Variants in KMT2A observed in about 807,000 individuals in gnomAD.
The protein encoded by KMT2A is histone-lysine N-methyltransferase 2A.
KMT2A carries 16 observed loss-of-function variants against 345.3 expected under a neutral mutation model. The ratio of observed to expected loss-of-function variants is 0.05; its 90% confidence interval spans 0.03 to 0.07. The LOEUF (loss-of-function observed/expected upper bound fraction) is 0.07. KMT2A is among the 10% of genes least tolerant of loss of function. The pLI is 1.00. For missense variants in KMT2A, 3,272 were observed against 4,841.6 expected (o/e 0.68, Z 9.62); for synonymous variants, 1,599 against 1,778.6 (o/e 0.90, Z 2.54).
At position 118,473,298 on chromosome 11, in the gene KMT2A, G is replaced by A; in HGVS notation, c.2139G>A (p.Glu713=). The A allele has an allele frequency of 6.2e-7, 1 of 1,613,660 alleles. No individual in the cohort carries two copies. The change falls in exon 3 of 36, where the codon GAG becomes GAA. Residue 713 remains glutamate, a synonymous_variant. Coordinates refer to ENST00000534358, the MANE Select transcript of KMT2A (RefSeq NM_001197104.2). The surrounding 1 kb of genome is among the most constrained non-coding windows in gnomAD (Gnocchi z 5.2). ...GTGAGGCTCACTCTAGAATATTTGA[G>A]TCTGTAACCTTGCCTAGTAATCGAA... ...TPSEAHSRIF[E]SVTLPSNRTS... is the part of the protein sequence containing the mutation.
chr11:118,489,351 G>A (rs1426511567), intron 11 of KMT2A, among the ~76,000 whole-genome samples: 2 of 152,252 alleles, frequency 1.3e-5, no homozygotes, highest in East Asian at 3.9e-4. Context: ...GGGGGTCCTG[G>A]AACCAATCCC....
chr11:118,500,282 T>G (rs1950479630), intron 24 of KMT2A, among the ~76,000 whole-genome samples: 1 of 152,194 alleles, frequency 6.6e-6, no homozygotes, highest in Admixed American at 6.5e-5. Context: ...TTATAAGTCC[T>G]TCTAAAACTA....
rs571632155 is a variant in KMT2A, at chr11:118,524,437, TTGTC to T, written c.*2268_*2271del. The T allele has an allele frequency of 5.8e-4, 110 of 190,482 alleles. No individual in the cohort carries two copies. The highest frequency in any genetic ancestry group is 2.3e-3 in the African/African-American group (98 of 42,930). 11.8% of individuals were successfully genotyped at this position (190,482 alleles called of 1,614,324 possible). ...CTTCTCTCCTGTGACCTTAAGAACT[TTGTC>T]TGGTGGCTTTGCTGGAACATTGTCA... On this transcript the variant is annotated 3_prime_UTR_variant, in exon 36 of 36. Transcript: ENST00000534358.
Position 118,494,387 on chromosome 11 carries a change from T to C in KMT2A, c.5278T>C (p.Phe1760Leu), listed in dbSNP as rs1555043366. 1 of 1,566,524 alleles carries C rather than the reference T, an allele frequency of 6.4e-7. No individual in the cohort carries two copies. Among genetic ancestry groups the C allele is most frequent in the Non-Finnish European group, 8.8e-7 (1 of 1,136,784 alleles). ...AAAAGCCAACAGCATGGTCAAGTCC[T>C]TCTTCATTCGGGTGAATGATATTAC... The part of the protein sequence containing the change: ...IKKANSMVKS[F>L]FIRQMERVFP... Residue 1760 changes from phenylalanine to leucine, a missense_variant, in exon 17 of 36, where the codon TTC becomes CTC. By Grantham distance (22) the Phe-to-Leu change is conservative. Coordinates refer to ENST00000534358, the MANE Select transcript of KMT2A (RefSeq NM_001197104.2). This position sits in a 1 kb window ranked among gnomAD's most constrained non-coding sequence, Gnocchi z 5.8.
intron 8 of KMT2A, 46 bp downstream of exon 8, chr11:118,482,541 A>G (rs1309781516): frequency 4.4e-6 from 6 of 1,369,128 alleles, no homozygotes; most frequent in Admixed American, 1.8e-5. Context: ...GATGTATTCT[A>G]TTTTGTAGGG....
Position 118,447,229 on chromosome 11 carries a change from G to A in KMT2A, c.432+10285G>A, listed in dbSNP as rs1202135978. Among the ~76,000 whole-genome samples the A allele has an allele frequency of 2.6e-5, 4 of 152,234 alleles. No homozygotes were observed. In the East Asian group the frequency reaches 7.7e-4, roughly 29 times the overall value. On this transcript the variant is annotated intron_variant, in intron 1 of 35. Transcript: ENST00000534358. ...GTCGTGGTACTTTTGAAATGTGTCT[G>A]TCTTTGTCCCATTAGATAGTGACTC...
chr11:118,473,472 C>G lies in KMT2A; in HGVS notation c.2313C>G (p.Thr771=), dbSNP rs577619340. The G allele has an allele frequency of 3.1e-6, 5 of 1,614,150 alleles. No individual in the cohort carries two copies. Among genetic ancestry groups the G allele is most frequent in the Admixed American group, 1.7e-5 (1 of 60,022 alleles). The change falls in exon 3 of 36, where the codon ACC becomes ACG. Residue 771 remains threonine (T), a synonymous_variant. Coordinates refer to ENST00000534358, the MANE Select transcript of KMT2A (RefSeq NM_001197104.2). This position sits in a 1 kb window ranked among gnomAD's most constrained non-coding sequence, Gnocchi z 5.2. ...RLSSSELSPL[T]PPSSVSSSLS... ...GTAGTTCTGAGCTCTCACCTCTCACCCCCCCGTCTTCTGTCTCTTCCTCGT... is the reference window on the plus strand; with the variant it reads ...GTAGTTCTGAGCTCTCACCTCTCACGCCCCCGTCTTCTGTCTCTTCCTCGT...
intron 10 of KMT2A, chr11:118,488,353 A>G: frequency 2.1e-6 from 1 of 470,136 alleles, no homozygotes; most frequent in South Asian, 2.1e-5. Flanking sequence ...CTCTTAGGTC[A>G]CTTAGCATGT....
Position 118,491,276 on chromosome 11 carries a change from C to A in KMT2A, c.4777C>A (p.Arg1593Ser), listed in dbSNP as rs1472952558. 5.0e-6 allele frequency: 8 copies of A among 1,613,632 alleles called. No homozygotes were observed. The highest frequency in any genetic ancestry group is 1.1e-5 in the South Asian group (1 of 91,034). The change falls in exon 14 of 36, where the codon CGC becomes AGC. Residue 1593 changes from arginine to serine, a missense_variant. Around this residue, in one of 27 missense-constraint regions of KMT2A, gnomAD observed 120 missense variants for 280.4 expected, o/e 0.43. Transcript: ENST00000534358. The surrounding 1 kb of genome is among the most constrained non-coding windows in gnomAD (Gnocchi z 4.2). The part of the protein sequence containing the change: ...SKMMQCGKCD[R>S]WVHSKCENLS... ...GATGATGCAATGTGGAAAGTGTGAT[C>A]GCTGGGTCCATTCCAAATGTGAGAA...
At position 118,472,168 on chromosome 11, in the gene KMT2A, A is replaced by T; in HGVS notation, c.1009A>T (p.Thr337Ser). ...GAAAGTCCGGAAAGACAAGGAAGGA[A>T]CACCTCCACTTACAAAAGAAGATAA... ...PQKVRKDKEG[T>S]PPLTKEDKTV... Residue 337 changes from threonine (T) to serine (S), a missense_variant, in exon 3 of 36, where the codon ACA (threonine) becomes TCA (serine). Thr to Ser is a moderately conservative substitution (Grantham distance 58, BLOSUM62 1). This residue lies in a region of KMT2A where 412 missense variants were observed against 511.0 expected (regional missense o/e 0.81). Coordinates refer to ENST00000534358, the MANE Select transcript of KMT2A (RefSeq NM_001197104.2). The T allele has an allele frequency of 6.2e-7, 1 of 1,614,088 alleles. No individual in the cohort carries two copies. Among genetic ancestry groups the T allele is most frequent in the Non-Finnish European group, 8.5e-7 (1 of 1,180,030 alleles).
rs1031671823 is a variant in KMT2A, at chr11:118,478,045, A to G, written c.3413A>G (p.Asn1138Ser). The G allele has an allele frequency of 7.4e-6, 12 of 1,614,006 alleles. No homozygotes were observed. The highest frequency in any genetic ancestry group is 9.3e-6 in the Non-Finnish European group (11 of 1,180,022). ...PIKPIKPVTR[N>S]KAPQEPPVKK... The stretch of plus-strand genomic sequence containing the variant: ...AAACCAATTAAACCTGTCACTAGAA[A>G]CAAGGCACCCCAGGAACCTCCAGTA... The change falls in exon 5 of 36, where the codon AAC becomes AGC. Residue 1138 changes from asparagine to serine, a missense_variant. Around this residue, in one of 27 missense-constraint regions of KMT2A, gnomAD observed 33 missense variants for 46.5 expected, o/e 0.71. Coordinates refer to ENST00000534358, the MANE Select transcript of KMT2A (RefSeq NM_001197104.2).
chr11:118,521,475 T>TATGA lies in KMT2A; in HGVS notation c.11643+59_11643+62dup, dbSNP rs1950967435. The TATGA allele has an allele frequency of 6.3e-7, 1 of 1,584,296 alleles. No homozygotes were observed. Among genetic ancestry groups the TATGA allele is most frequent in the Admixed American group, 1.7e-5 (1 of 58,806 alleles). Reference sequence around the variant, plus strand: ...TTGTTTTGCTGTAGAAAGGGACCAGTATGACCCCTGGATCACAAAAGAAAT... The same window carrying TATGA: ...TTGTTTTGCTGTAGAAAGGGACCAGTATGAATGACCCCTGGATCACAAAAGAAAT... On this transcript the variant is annotated intron_variant, in intron 35 of 35. Coordinates refer to ENST00000534358, the MANE Select transcript of KMT2A (RefSeq NM_001197104.2). The surrounding 1 kb of genome is among the most constrained non-coding windows in gnomAD (Gnocchi z 5.3).
chr11:118,488,494 A>G (rs1950269200), intron 10 of KMT2A, 120 bp from the exon 11 acceptor site: 1 of 953,262 alleles, frequency 1.0e-6, no homozygotes, highest in South Asian at 1.3e-5. Flanking sequence ...ATGAATATGT[A>G]TTGAATTAAA....
rs564379757 is a variant in KMT2A, at chr11:118,448,006, G to A, written c.432+11062G>A. ...ACATATGTATAAAATGACCTCTTAAGCTACCTTTTCCTTCTGTGAATCAGT... is the reference window on the plus strand; with the variant it reads ...ACATATGTATAAAATGACCTCTTAAACTACCTTTTCCTTCTGTGAATCAGT... On this transcript the variant is annotated intron_variant, in intron 1 of 35. Coordinates refer to ENST00000534358, the MANE Select transcript of KMT2A (RefSeq NM_001197104.2). The A allele has an allele frequency of 5.9e-5, 9 of 153,338 alleles. 1 individual carries two copies. The highest frequency in any genetic ancestry group is 5.7e-4 in the East Asian group (3 of 5,222). 9.5% of individuals were successfully genotyped at this position (153,338 alleles called of 1,614,324 possible). A position where few individuals can be genotyped will look rare whatever the true frequency, so the allele number is the denominator to read the frequency against.
chr11:118,504,191 A>G lies in KMT2A; in HGVS notation c.8299A>G (p.Lys2767Glu). ...TGATAGACCTGAAGATGCTGGGGAG[A>G]AAGAACATGTCACTAAGAGTTCTGT... is the stretch of plus-strand genomic sequence containing the variant. ...KIDRPEDAGEKEHVTKSSVGH... is the reference protein window; with the variant it reads ...KIDRPEDAGEEEHVTKSSVGH... Residue 2767 changes from lysine (K) to glutamate (E), a missense_variant, in exon 27 of 36, where the codon AAA becomes GAA. Lys to Glu is a moderately conservative substitution (Grantham distance 56, BLOSUM62 1). This residue lies in a region of KMT2A where 100 missense variants were observed against 101.3 expected (regional missense o/e 0.99). Coordinates refer to ENST00000534358, the MANE Select transcript of KMT2A (RefSeq NM_001197104.2). The surrounding 1 kb of genome is among the most constrained non-coding windows in gnomAD (Gnocchi z 6.4). 3.1e-6 allele frequency: 5 copies of G among 1,614,166 alleles called. No homozygotes were observed. The highest frequency in any genetic ancestry group is 4.2e-6 in the Non-Finnish European group (5 of 1,180,030).
chr11:118,467,659 A>G (rs1555034443), intron 1 of KMT2A, among the ~76,000 whole-genome samples: 1 of 152,238 alleles, frequency 6.6e-6, no homozygotes, highest in Admixed American at 6.5e-5. Context: ...TAAGACAGTT[A>G]GCACCTGACT....
Position 118,504,334 on chromosome 11 carries a change from C to T in KMT2A, c.8442C>T (p.His2814=). ...LSSLESSRRV[H]TSTPSDKNLL... is the part of the protein sequence containing the mutation. ...CATTGGAGTCAAGCCGCAGAGTCCA[C>T]ACAAGTACCCCCTCCGACAAAAATT... The change falls in exon 27 of 36, where the codon CAC becomes CAT. Residue 2814 remains histidine, a synonymous_variant. Coordinates refer to ENST00000534358, the MANE Select transcript of KMT2A (RefSeq NM_001197104.2). The surrounding 1 kb of genome is among the most constrained non-coding windows in gnomAD (Gnocchi z 6.4). 1 of 1,614,182 alleles carries T rather than the reference C, an allele frequency of 6.2e-7. No individual in the cohort carries two copies. The highest frequency in any genetic ancestry group is 1.1e-5 in the South Asian group (1 of 91,080).
chr11:118,461,732 A>C (rs1475925776), intron 1 of KMT2A, among the ~76,000 whole-genome samples: 1 of 152,176 alleles, frequency 6.6e-6, no homozygotes, highest in Non-Finnish European at 1.5e-5. Flanking sequence ...CCACGATGCC[A>C]AATGTGGATT....
chr11:118,484,416 G>C lies in KMT2A; in HGVS notation c.4218+102G>C. 1 of 1,254,708 alleles carries C rather than the reference G, an allele frequency of 8.0e-7. No individual in the cohort carries two copies. The highest frequency in any genetic ancestry group is 1.1e-6 in the Non-Finnish European group (1 of 895,968). 77.7% of individuals were successfully genotyped at this position (1,254,708 alleles called of 1,614,324 possible). A position where few individuals can be genotyped will look rare whatever the true frequency, so the allele number is the denominator to read the frequency against. On this transcript the variant is annotated intron_variant, in intron 9 of 35. Coordinates refer to ENST00000534358, the MANE Select transcript of KMT2A (RefSeq NM_001197104.2). The surrounding 1 kb of genome is among the most constrained non-coding windows in gnomAD (Gnocchi z 4.1). ...TTGAAAGAGGAAATCAGCACCAACTGGGGGAATGAATAAGAACTCCCATTA... is the reference window on the plus strand; with the variant it reads ...TTGAAAGAGGAAATCAGCACCAACTCGGGGAATGAATAAGAACTCCCATTA...
Sources: gnomAD v4.1 joint callset for allele counts (sites outside exome capture counted in the v4.1 genomes callset) on GRCh38, gnomAD v4.1.1 for gene constraint, gnomAD v4.1.1 regional missense constraint, Gnocchi (gnomAD v3.1) non-coding constraint, MANE v1.5 for transcripts, NCBI Gene and HGNC (gene_info 2026-07-23, HGNC 2026-07-21) for gene names.